ZC4H2: variants seen among roughly 807,000 people sequenced by gnomAD.
The protein encoded by ZC4H2 is zinc finger C4H2 domain-containing protein.
For missense variants in ZC4H2, 137 were observed against 173.9 expected, an observed-to-expected ratio of 0.79 and a Z score of 1.19; for synonymous variants, 84 against 66.3, an observed-to-expected ratio of 1.27 and a Z score of -1.30.
At chrX:65,027,588 C>T (rs1932892350) in intron 1 of ZC4H2, among the ~76,000 whole-genome samples, 1 of 111,010 alleles carries the variant, frequency 9.0e-6, no homozygotes, top group Admixed American at 9.6e-5. Flanking sequence ...TCTGAGGTGA[C>T]CTTTATGTTT....
At chrX:64,951,233 T>C (rs1392194512) in intron 1 of ZC4H2, among the ~76,000 whole-genome samples, 1 of 112,400 alleles carries the variant, frequency 8.9e-6, no homozygotes, top group African/African-American at 3.2e-5. Context: ...TGGTTCCAAG[T>C]CTGCTATTGT....
chrX:65,031,031 C>T (rs1044760632), intron 1 of ZC4H2, among the ~76,000 whole-genome samples: 2 of 111,399 alleles, frequency 1.8e-5, no homozygotes, highest in South Asian at 3.8e-4. Context: ...TCTCTCTCCC[C>T]TACTGTAAAA....
At chrX:65,026,062 C>A (rs868425) in intron 1 of ZC4H2, among the ~76,000 whole-genome samples, 12,983 of 111,233 alleles carry the variant, frequency 0.12, 1,833 homozygotes, top group African/African-American at 0.4. Flanking sequence ...CCCACAGGGA[C>A]AGAGGAGGAA....
At chrX:64,941,658 T>A (rs1930287389) in intron 1 of ZC4H2, among the ~76,000 whole-genome samples, 1 of 111,913 alleles carries the variant, frequency 8.9e-6, no homozygotes, top group Non-Finnish European at 1.9e-5. Context: ...AATCATGAGG[T>A]TTTTGTCATT....
At chrX:64,975,493 C>T (rs1450871587) in intron 1 of ZC4H2, among the ~76,000 whole-genome samples, 1 of 112,081 alleles carries the variant, frequency 8.9e-6, no homozygotes, top group Non-Finnish European at 1.9e-5. Flanking sequence ...AGAGTGAGAG[C>T]AAAAGCCAAA....
chrX:64,947,655 G>A (rs1930598889), intron 1 of ZC4H2, among the ~76,000 whole-genome samples: 4 of 111,888 alleles, frequency 3.6e-5, no homozygotes, highest in Admixed American at 1.9e-4. Flanking sequence ...AATTTAATAC[G>A]TAGACAAGAC....
chrX:65,004,526 C>G (rs1346418138), intron 1 of ZC4H2, among the ~76,000 whole-genome samples: 1 of 111,944 alleles, frequency 8.9e-6, no homozygotes, highest in Non-Finnish European at 1.9e-5. Context: ...TGATAAAATT[C>G]AACATGGCTT....
At chrX:64,993,652 G>A (rs1193181147) in intron 1 of ZC4H2, among the ~76,000 whole-genome samples, 5 of 111,516 alleles carry the variant, frequency 4.5e-5, no homozygotes, top group African/African-American at 6.5e-5. Flanking sequence ...TGTTAATGAG[G>A]CACCCAGCTA....
chrX:65,026,761 A>T (rs1932883898), intron 1 of ZC4H2, among the ~76,000 whole-genome samples: 1 of 111,415 alleles, frequency 9.0e-6, no homozygotes, highest in East Asian at 2.8e-4. Context: ...GTCTTATGGA[A>T]CCCAAAAACA....
At chrX:64,963,015 T>C (rs1276166560) in intron 1 of ZC4H2, among the ~76,000 whole-genome samples, 1 of 110,537 alleles carries the variant, frequency 9.0e-6, no homozygotes. Flanking sequence ...AGAACAATCT[T>C]ATCCCCTGAT....
At chrX:65,011,303 T>A (rs1300970166) in intron 1 of ZC4H2, among the ~76,000 whole-genome samples, 1 of 111,375 alleles carries the variant, frequency 9.0e-6, no homozygotes, top group Non-Finnish European at 1.9e-5. Context: ...TAGATTTGAG[T>A]CTGTCTGACT....
intron 1 of ZC4H2, among the ~76,000 whole-genome samples, chrX:64,986,267 C>A (rs1461116023): frequency 1.8e-5 from 2 of 112,208 alleles, no homozygotes; most frequent in Non-Finnish European, 3.8e-5. Flanking sequence ...TCAAAGACAG[C>A]TTTTTGGTCT....
chrX:64,963,493 G>A (rs1260541095), intron 1 of ZC4H2, among the ~76,000 whole-genome samples: 1 of 111,179 alleles, frequency 9.0e-6, no homozygotes, highest in South Asian at 3.7e-4. Flanking sequence ...GAGTAAAATG[G>A]CAAACTGCAT....
intron 1 of ZC4H2, among the ~76,000 whole-genome samples, chrX:65,006,065 G>A (rs762019134): frequency 4.5e-5 from 5 of 111,773 alleles, no homozygotes; most frequent in African/African-American, 1.6e-4. Flanking sequence ...AACAACAGAT[G>A]CTGGAGAGGA....
chrX:64,925,938 C>T (rs945398332), intron 1 of ZC4H2, among the ~76,000 whole-genome samples: 3 of 111,956 alleles, frequency 2.7e-5, no homozygotes, highest in African/African-American at 9.7e-5. Flanking sequence ...CCTGCTGTGG[C>T]AAGAAATACC....
In ZC4H2 at chrX:64,962,968, G is replaced by A. The variant is rs539822391; in HGVS notation, c.53+13357C>T. On this transcript the variant is annotated intron_variant, in intron 1 of 4. Coordinates refer to ENST00000374839, the MANE Select transcript of ZC4H2 (RefSeq NM_018684.4). ...TATAATCCTTATAAAAATCCCAATG[G>A]CATTTTTTTTTACATTCATGTAAAC... Among the ~76,000 whole-genome samples the A allele has an allele frequency of 3.6e-5, 4 of 110,660 alleles. No individual in the cohort carries two copies. In the South Asian group the frequency reaches 1.1e-3, roughly 32 times the overall value.
rs1393788771 is a variant in ZC4H2, at chrX:64,976,389, T to A, written c.-12A>T. The A allele has an allele frequency of 8.3e-7, 1 of 1,209,529 alleles. No homozygotes were observed. Among genetic ancestry groups the A allele is most frequent in the South Asian group, 1.8e-5 (1 of 56,950 alleles). On this transcript the variant is annotated 5_prime_UTR_variant, in exon 1 of 5. Transcript: ENST00000374839. ...TGCTCATCTGCCATACTTTTCACTGTCAATTTCACGTCCCGAGAGATGTAC... is the reference window on the plus strand; with the variant it reads ...TGCTCATCTGCCATACTTTTCACTGACAATTTCACGTCCCGAGAGATGTAC...
intron 1 of ZC4H2, among the ~76,000 whole-genome samples, chrX:64,934,874 A>G (rs1267523488): frequency 1.8e-5 from 2 of 111,034 alleles, no homozygotes; most frequent in African/African-American, 6.6e-5. Flanking sequence ...CACCACCAGG[A>G]CCCTGGGTTT....
intron 1 of ZC4H2, among the ~76,000 whole-genome samples, chrX:64,946,390 C>T (rs1383333792): frequency 9.0e-6 from 1 of 111,059 alleles, no homozygotes; most frequent in Non-Finnish European, 1.9e-5. Context: ...TAAGGTGACA[C>T]CCCACCCTGA....
Sources: gnomAD v4.1 joint callset for allele counts (sites outside exome capture counted in the v4.1 genomes callset) on GRCh38, gnomAD v4.1.1 for gene constraint, MANE v1.5 for transcripts, NCBI Gene and HGNC (gene_info 2026-07-23, HGNC 2026-07-21) for gene names.